The following FUT8 variants were observed in gnomAD, a reference collection of about 807,000 sequenced individuals.
FUT8 encodes fucosyltransferase 8, also known as alpha-(1,6)-fucosyltransferase.
Under a neutral mutation model 71.3 loss-of-function variants are expected in FUT8, and 29 were observed. The ratio of observed to expected loss-of-function variants is 0.41; its 90% CI spans 0.30 to 0.55. The LOEUF is 0.55. Ranked by LOEUF, FUT8 falls within the 20% of genes least tolerant of loss-of-function variation. The pLI is 0.34. For synonymous variants in FUT8, 254 were observed against 239.3 expected (o/e 1.06, Z -0.57); for missense variants, 544 against 702.1 (o/e 0.77, Z 2.55).
At chr14:65,624,284 C>CTTTTTTTTTTTTTTTTTTTTTTT (rs61702275) in intron 5 of FUT8, among the ~76,000 whole-genome samples, 1 of 145,688 alleles carries the variant, frequency 6.9e-6, no homozygotes. Context: ...TTAGTGTACT[C>CTTTTTTTTTTTTTTTTTTTTTTT]TTTTTTTTTT....
At chr14:65,673,305 G>C (rs929220888) in intron 7 of FUT8, among the ~76,000 whole-genome samples, 1 of 152,180 alleles carries the variant, frequency 6.6e-6, no homozygotes, top group African/African-American at 2.4e-5. Flanking sequence ...TGAAATAAAA[G>C]TAATTCAATT....
At chr14:65,523,289 C>G (rs1051474389) in intron 2 of FUT8, among the ~76,000 whole-genome samples, 12 of 152,298 alleles carry the variant, frequency 7.9e-5, no homozygotes, top group African/African-American at 1.7e-4. Context: ...GATGGTATCT[C>G]ATTGTGGTTT....
intron 7 of FUT8, among the ~76,000 whole-genome samples, chr14:65,718,068 T>C (rs1443775164): frequency 6.6e-6 from 1 of 152,192 alleles, no homozygotes; most frequent in Non-Finnish European, 1.5e-5. Flanking sequence ...CATTTAGTGT[T>C]ATTAATAATA....
At chr14:65,526,221 A>G (rs1883458732) in intron 2 of FUT8, among the ~76,000 whole-genome samples, 2 of 152,078 alleles carry the variant, frequency 1.3e-5, no homozygotes, top group Admixed American at 1.3e-4. Flanking sequence ...GTCTCTAAGG[A>G]CTTGCTTTAT....
At chr14:65,606,926 G>A (rs1888619943) in intron 3 of FUT8, among the ~76,000 whole-genome samples, 1 of 151,728 alleles carries the variant, frequency 6.6e-6, no homozygotes, top group African/African-American at 2.4e-5. Flanking sequence ...AATGTATGAG[G>A]TATGTTGCTG....
At chr14:65,696,535 T>C (rs985542217) in intron 7 of FUT8, among the ~76,000 whole-genome samples, 2 of 152,178 alleles carry the variant, frequency 1.3e-5, no homozygotes, top group African/African-American at 4.8e-5. Flanking sequence ...TTTATTTCTT[T>C]GGGGTTTTTT....
intron 3 of FUT8, among the ~76,000 whole-genome samples, chr14:65,564,083 C>T (rs929754122): frequency 2.0e-5 from 3 of 152,040 alleles, no homozygotes; most frequent in African/African-American, 4.8e-5. Context: ...ATTTGTATTT[C>T]TTCCAAAGGG....
the FUT8 span, among the ~76,000 whole-genome samples, chr14:65,405,488 A>T: frequency 6.6e-6 from 1 of 152,248 alleles, no homozygotes. Flanking sequence ...CATCCAGGTC[A>T]TTAATGAAAA....
At chr14:65,570,640 C>T (rs1886418770) in intron 3 of FUT8, among the ~76,000 whole-genome samples, 1 of 151,974 alleles carries the variant, frequency 6.6e-6, no homozygotes. Flanking sequence ...TTTTAATGAC[C>T]TGGTTCTTCA....
rs1896534777 is a variant in FUT8, at chr14:65,742,152, C to G, written c.1470C>G (p.Phe490Leu). 6 of 1,613,116 alleles carry G rather than the reference C, an allele frequency of 3.7e-6. No homozygotes were observed. The highest frequency in any genetic ancestry group is 5.1e-6 in the Non-Finnish European group (6 of 1,179,382). Residue 490 changes from phenylalanine (F) to leucine (L), a missense_variant, in exon 11 of 11, where the codon TTC becomes TTG. By Grantham distance (22) the Phe-to-Leu change is conservative. Coordinates refer to ENST00000673929, the MANE Select transcript of FUT8 (RefSeq NM_001371533.1). ...TACATCCTGATGCCTCTGCAAACTT[C>G]CATTCTTTAGATGACATCTACTATT... The part of the protein sequence containing the change: ...QTLHPDASAN[F>L]HSLDDIYYFG...
intron 7 of FUT8, among the ~76,000 whole-genome samples, chr14:65,717,369 A>T (rs1342993528): frequency 2.1e-5 from 3 of 142,066 alleles, no homozygotes; most frequent in African/African-American, 8.0e-5. Flanking sequence ...CACTTCCCAG[A>T]CGGGGCGGCC....
chr14:65,664,023 A>G (rs1233258232), intron 6 of FUT8, among the ~76,000 whole-genome samples: 2 of 152,108 alleles, frequency 1.3e-5, no homozygotes, highest in Non-Finnish European at 2.9e-5. Flanking sequence ...ATTGGGTGTT[A>G]GGTATATGGG....
intron 10 of FUT8, among the ~76,000 whole-genome samples, chr14:65,741,672 TGTTAA>T (rs1896509127): frequency 2.0e-5 from 3 of 152,048 alleles, no homozygotes; most frequent in Non-Finnish European, 4.4e-5. Context: ...CATTTATTTG[TGTTAA>T]GTTTTTTTAT....
At position 65,459,618 on chromosome 14, in the gene FUT8, A is replaced by G. The variant is rs573712246; in HGVS notation, c.-228+3900A>G. 1.1e-4 allele frequency among the ~76,000 whole-genome samples: 17 copies of G among 152,314 alleles called. No individual in the cohort carries two copies. In the South Asian group the frequency reaches 3.5e-3, roughly 32 times the overall value. ...AGAGAGAGAGAGAATGATGAGTAAA[A>G]TGAACCCTACACTGCAATGTCTCCA... On this transcript the variant is annotated intron_variant, in intron 2 of 10. Transcript: ENST00000673929.
At chr14:65,569,502 A>C (rs1372910174) in intron 3 of FUT8, among the ~76,000 whole-genome samples, 1 of 151,822 alleles carries the variant, frequency 6.6e-6, no homozygotes, top group Non-Finnish European at 1.5e-5. Flanking sequence ...CGTTAATCAC[A>C]CACAGTTAGT....
the FUT8 span, among the ~76,000 whole-genome samples, chr14:65,404,160 G>A: frequency 1.5e-4 from 22 of 144,104 alleles, no homozygotes; most frequent in African/African-American, 5.2e-5. Context: ...GCCACTGTGC[G>A]GGGCCAGATT....
chr14:65,459,985 T>G (rs1198433212), intron 2 of FUT8, among the ~76,000 whole-genome samples: 2 of 152,226 alleles, frequency 1.3e-5, no homozygotes, highest in African/African-American at 2.4e-5. Flanking sequence ...TTTGGATATT[T>G]GATAGATAGG....
intron 2 of FUT8, among the ~76,000 whole-genome samples, chr14:65,536,452 T>C (rs1018122652): frequency 2.0e-5 from 3 of 152,198 alleles, no homozygotes; most frequent in African/African-American, 7.2e-5. Flanking sequence ...AGTCTGGTGG[T>C]AATGAATTCC....
At chr14:65,529,834 A>G (rs528217094) in intron 2 of FUT8, among the ~76,000 whole-genome samples, 26 of 152,170 alleles carry the variant, frequency 1.7e-4, no homozygotes, top group Non-Finnish European at 3.1e-4. Flanking sequence ...ACTCTTGTGC[A>G]TTCTTACCCT....
Sources: gnomAD v4.1 joint callset for allele counts (sites outside exome capture counted in the v4.1 genomes callset) on GRCh38, gnomAD v4.1.1 for gene constraint, MANE v1.5 for transcripts, NCBI Gene and HGNC (gene_info 2026-07-23, HGNC 2026-07-21) for gene names.